Variants in IQANK1 observed in about 807,000 individuals in gnomAD.
IQANK1 encodes the protein IQ motif and ankyrin repeat domain-containing protein 1.
A neutral mutation model predicts 22.6 loss-of-function variants in IQANK1; 30 were observed. That is an observed-to-expected ratio of 1.33 (90% CI 0.99 to 1.80). The LOEUF (loss-of-function observed/expected upper bound fraction) is 1.80, where lower values mean the gene tolerates loss of function less well. Ranked by LOEUF, IQANK1 falls within the 40% of genes most tolerant of loss-of-function variation. The pLI, the probability that IQANK1 is intolerant of heterozygous loss-of-function variation, is 0.00. For synonymous variants in IQANK1, 122 were observed against 99.6 expected (o/e 1.23, Z -1.34); for missense variants, 275 against 235.2 (o/e 1.17, Z -1.11).
In IQANK1 at chr8:143,790,170, G is replaced by A. The variant is rs116846420; in HGVS notation, c.1323G>A (p.Ala441=). Residue 441 remains alanine, a synonymous_variant, in exon 13 of 14, where the codon GCG becomes GCA. Coordinates refer to ENST00000527139, the MANE Select transcript of IQANK1 (RefSeq NM_001381874.1). ...TTGTTATTGACCCTTTGGGCCAGGC[G>A]GCCACCTTCCTGCGCTACCAGGATA... ...WPLVIDPLGQ[A]ATFLRYQDTN... 0.017 allele frequency: 20,659 copies of A among 1,232,036 alleles called. 222 individuals carry two copies. Among genetic ancestry groups the A allele is most frequent in the Non-Finnish European group, 0.019 (18,494 of 987,996 alleles). The allele number at this position is 1,232,036 out of a possible 1,614,324, so 76.3% of individuals were successfully genotyped here.
At chr8:143,734,916 G>C (rs1398697518) in intron 1 of IQANK1, among the ~76,000 whole-genome samples, 1 of 148,656 alleles carries the variant, frequency 6.7e-6, no homozygotes. Flanking sequence ...CCCTCACTTA[G>C]GGCCCCTCCC....
intron 3 of IQANK1, chr8:143,742,019 A>C (rs1467770555): frequency 8.1e-6 from 2 of 246,218 alleles, no homozygotes; most frequent in South Asian, 5.3e-5. Context: ...GCTGACGTCC[A>C]TGGTGCAGTC....
intron 3 of IQANK1, among the ~76,000 whole-genome samples, chr8:143,754,161 C>G (rs2129849663): frequency 6.6e-6 from 1 of 152,254 alleles, no homozygotes; most frequent in African/African-American, 2.4e-5. Flanking sequence ...CTTTAAAGCC[C>G]TGGAAGTCAC....
intron 3 of IQANK1, among the ~76,000 whole-genome samples, chr8:143,762,868 G>A (rs372526228): frequency 1.3e-4 from 20 of 152,228 alleles, no homozygotes; most frequent in South Asian, 2.1e-4. Context: ...ATTAGTCTAC[G>A]CAATCCCCTA....
At chr8:143,777,145 C>T (rs1554630500) in intron 7 of IQANK1, among the ~76,000 whole-genome samples, 1 of 150,520 alleles carries the variant, frequency 6.6e-6, no homozygotes, top group Non-Finnish European at 1.5e-5. Flanking sequence ...CATATATATA[C>T]ACACACATAT....
At chr8:143,764,039 G>C (rs1819442157) in intron 3 of IQANK1, among the ~76,000 whole-genome samples, 1 of 152,022 alleles carries the variant, frequency 6.6e-6, no homozygotes, top group East Asian at 1.9e-4. Flanking sequence ...GGAATAGAAG[G>C]ATGATTCTCC....
intron 2 of IQANK1, chr8:143,739,337 C>A: frequency 6.6e-6 from 1 of 152,634 alleles, no homozygotes. Context: ...CTCAGCCACA[C>A]TGGCCGGACT....
rs1260997295 is a variant in IQANK1, at chr8:143,790,543, C to T, written c.1618C>T (p.Pro540Ser). ...RLFFVTKVQW[P>S]PAEQLQVLLP... ...CTTTTTCGTCACCAAGGTCCAGTGG[C>T]CGCCAGCTGAGCAGCTGCAGGTGCT... The change falls in exon 14 of 14, where the codon CCG (proline) becomes TCG (serine). Residue 540 changes from proline (P) to serine (S), a missense_variant. Pro to Ser is a moderately conservative substitution (Grantham distance 74). Coordinates refer to ENST00000527139, the MANE Select transcript of IQANK1 (RefSeq NM_001381874.1). 2 of 399,800 alleles carry T rather than the reference C, an allele frequency of 5.0e-6. No homozygotes were observed. Among genetic ancestry groups the T allele is most frequent in the Non-Finnish European group, 8.8e-6 (2 of 226,994 alleles). The allele number at this position is 399,800 out of a possible 1,614,324, so 24.8% of individuals were successfully genotyped here. A position where few individuals can be genotyped will look rare whatever the true frequency, so the allele number is the denominator to read the frequency against.
Position 143,772,000 on chromosome 8 carries a change from G to A in IQANK1, c.471+35G>A, listed in dbSNP as rs1450135094. 6 of 143,904 alleles carry A rather than the reference G, an allele frequency of 4.2e-5. No individual in the cohort carries two copies. In the South Asian group the frequency reaches 1.3e-3, roughly 31 times the overall value. 8.9% of individuals were successfully genotyped at this position (143,904 alleles called of 1,614,324 possible). ...GGCGGGAGGAGGACGAGGGCGGGGG[G>A]TGGGGTGGGAGTGGGAGGAGCGGGG... On this transcript the variant is annotated intron_variant, in intron 5 of 13. Coordinates refer to ENST00000527139, the MANE Select transcript of IQANK1 (RefSeq NM_001381874.1). The surrounding 1 kb of genome is among the most constrained non-coding windows in gnomAD (Gnocchi z 6.0).
At chr8:143,751,748 C>T (rs1554628073) in intron 3 of IQANK1, among the ~76,000 whole-genome samples, 1 of 145,292 alleles carries the variant, frequency 6.9e-6, no homozygotes, top group Non-Finnish European at 1.5e-5. Context: ...ATCTTTATTT[C>T]TTCTTAACAG....
chr8:143,743,194 C>G, intron 3 of IQANK1: 1 of 368,106 alleles, frequency 2.7e-6, no homozygotes, highest in South Asian at 2.0e-5. Flanking sequence ...CTGCCTCCCT[C>G]TTCCACTGTT....
At chr8:143,748,449 AT>A (rs1819076704) in intron 3 of IQANK1, among the ~76,000 whole-genome samples, 1 of 143,092 alleles carries the variant, frequency 7.0e-6, no homozygotes, top group African/African-American at 2.6e-5. Flanking sequence ...AAATATATAT[AT>A]CATATATAAA....
intron 7 of IQANK1, among the ~76,000 whole-genome samples, chr8:143,773,844 A>C (rs1031324477): frequency 7.9e-5 from 12 of 152,176 alleles, no homozygotes; most frequent in Non-Finnish European, 1.6e-4. Context: ...CCAGAGGTGC[A>C]AGTGGGAGTC....
intron 7 of IQANK1, among the ~76,000 whole-genome samples, chr8:143,788,609 T>C (rs1046154103): frequency 2.0e-5 from 3 of 152,136 alleles, no homozygotes; most frequent in Non-Finnish European, 4.4e-5. Context: ...GCGGGAAGCC[T>C]GGGCCAGGTC....
rs1477267232 is a variant in IQANK1 at position 143,758,004 on chromosome 8, A to T, written c.176-13484A>T. 6.6e-6 allele frequency: 1 copy of T among 152,186 alleles called. No individual in the cohort carries two copies. Among genetic ancestry groups the T allele is most frequent in the Non-Finnish European group, 1.5e-5 (1 of 68,036 alleles). The allele number at this position is 152,186 out of a possible 1,614,324, so 9.4% of individuals were successfully genotyped here. ...ATTCACCAATATAGTGTATCAGTTC[A>T]TGCTTTTGGGGGTCAAGACAATAAA... On this transcript the variant is annotated intron_variant, in intron 3 of 13. Coordinates refer to ENST00000527139, the MANE Select transcript of IQANK1 (RefSeq NM_001381874.1). The surrounding 1 kb of genome is among the most constrained non-coding windows in gnomAD (Gnocchi z 4.2).
In IQANK1 at chr8:143,758,523, T is replaced by C. The variant is rs1337988236; in HGVS notation, c.176-12965T>C. ...CTGGGTGAAGGGATGATTTAACTCA[T>C]GAAACTTGAGAACACGAGAACAACA... On this transcript the variant is annotated intron_variant, in intron 3 of 13. Transcript: ENST00000527139. The surrounding 1 kb of genome is among the most constrained non-coding windows in gnomAD (Gnocchi z 4.2). 1 of 152,136 alleles carries C rather than the reference T, an allele frequency of 6.6e-6. No homozygotes were observed. Among genetic ancestry groups the C allele is most frequent in the Admixed American group, 6.6e-5 (1 of 15,254 alleles). 9.4% of individuals were successfully genotyped at this position (152,136 alleles called of 1,614,324 possible).
intron 3 of IQANK1, chr8:143,743,130 A>T (rs1554626846): frequency 1.4e-5 from 6 of 429,494 alleles, no homozygotes; most frequent in South Asian, 9.6e-5. Flanking sequence ...TGCCAGGCTG[A>T]CGTCGAGGAA....
At chr8:143,756,178 A>G (rs1819289276) in intron 3 of IQANK1, among the ~76,000 whole-genome samples, 1 of 152,188 alleles carries the variant, frequency 6.6e-6, no homozygotes, top group Non-Finnish European at 1.5e-5. Context: ...TCTTTTTGGT[A>G]TCTAGCCAAA....
Position 143,771,428 on chromosome 8 carries a change from G to T in IQANK1, c.176-60G>T. ...GGGGCGGGGCCGGCTCCACTCCCAG[G>T]GGCGCAGCAGGCGTGGCTGGAGGCG... is the stretch of plus-strand genomic sequence containing the variant. On this transcript the variant is annotated intron_variant, in intron 3 of 13. Coordinates refer to ENST00000527139, the MANE Select transcript of IQANK1 (RefSeq NM_001381874.1). This position sits in a 1 kb window ranked among gnomAD's most constrained non-coding sequence, Gnocchi z 6.0. 1 of 395,664 alleles carries T rather than the reference G, an allele frequency of 2.5e-6. No homozygotes were observed. Among genetic ancestry groups the T allele is most frequent in the South Asian group, 1.3e-4 (1 of 7,776 alleles). The allele number at this position is 395,664 out of a possible 1,614,324, so 24.5% of individuals were successfully genotyped here. A position where few individuals can be genotyped will look rare whatever the true frequency, so the allele number is the denominator to read the frequency against.
Sources: gnomAD v4.1 joint callset for allele counts (sites outside exome capture counted in the v4.1 genomes callset) on GRCh38, gnomAD v4.1.1 for gene constraint, Gnocchi (gnomAD v3.1) non-coding constraint, MANE v1.5 for transcripts, NCBI Gene and HGNC (gene_info 2026-07-23, HGNC 2026-07-21) for gene names.